ALG1L2: variants seen among roughly 807,000 people sequenced by gnomAD.
ALG1L2 encodes putative glycosyltransferase ALG1L2.
Under a neutral mutation model 29.0 loss-of-function variants are expected in ALG1L2, and 32 were observed. The ratio of observed to expected loss-of-function variants is 1.10; its 90% CI spans 0.83 to 1.48. The LOEUF is 1.48. Ranked by LOEUF, ALG1L2 falls within the 40% of genes most tolerant of loss-of-function variation. ALG1L2 has a pLI of 0.00. For missense variants in ALG1L2, 318 were observed against 274.1 expected, an observed-to-expected ratio of 1.16 and a Z score of -1.13; for synonymous variants, 110 against 109.5, an observed-to-expected ratio of 1.00 and a Z score of -0.03.
chr3:130,096,191 G>T (rs771892760), intron 6 of ALG1L2, 28 bp downstream of exon 6: 8 of 1,608,364 alleles, frequency 5.0e-6, no homozygotes, highest in Non-Finnish European at 6.8e-6. Context: ...ATTTTTTCTG[G>T]GGATAGCTTC....
At chr3:130,086,259 A>G (rs1934889111) in intron 1 of ALG1L2, among the ~76,000 whole-genome samples, 1 of 151,144 alleles carries the variant, frequency 6.6e-6, no homozygotes, top group Non-Finnish European at 1.5e-5. Context: ...GAAGCATCAA[A>G]TGGGTTCTGG....
At chr3:130,084,011 T>C (rs1934839527) in intron 1 of ALG1L2, among the ~76,000 whole-genome samples, 1 of 151,576 alleles carries the variant, frequency 6.6e-6, no homozygotes, top group Non-Finnish European at 1.5e-5. Flanking sequence ...GCTTTGTGAA[T>C]CTGTTGTGGA....
At chr3:130,091,004 T>G (rs1935001951) in intron 1 of ALG1L2, 1 of 476,446 alleles carries the variant, frequency 2.1e-6, no homozygotes, top group African/African-American at 2.0e-5. Flanking sequence ...CACAGTCTGG[T>G]TTTATCTTAG....
At chr3:130,093,365 T>C (rs1204129903) in intron 4 of ALG1L2, among the ~76,000 whole-genome samples, 1 of 151,722 alleles carries the variant, frequency 6.6e-6, no homozygotes, top group African/African-American at 2.4e-5. Context: ...TTTGAATCTG[T>C]AGATACCAAG....
intron 1 of ALG1L2, among the ~76,000 whole-genome samples, chr3:130,088,710 T>C (rs112768958): frequency 4.7e-5 from 7 of 149,416 alleles, no homozygotes; most frequent in African/African-American, 1.5e-4. Flanking sequence ...GAGTCACTGT[T>C]CCCTGCCTGA....
At chr3:130,084,299 C>CCCACA (rs376123466) in intron 1 of ALG1L2, among the ~76,000 whole-genome samples, 95 of 145,720 alleles carry the variant, frequency 6.5e-4, no homozygotes, top group African/African-American at 2.0e-3. Context: ...TTCCCCCCCT[C>CCCACA]AAAAAAAATT....
chr3:130,087,970 A>T (rs1934927160), intron 1 of ALG1L2, among the ~76,000 whole-genome samples: 1 of 152,308 alleles, frequency 6.6e-6, no homozygotes, highest in Non-Finnish European at 1.5e-5. Flanking sequence ...AATAATAAGC[A>T]GCCAGCTTAG....
rs781684211 is a variant in ALG1L2 at position 130,093,134 on chromosome 3, T to G, written c.287T>G (p.Leu96Arg). The G allele has an allele frequency of 1.9e-6, 3 of 1,611,280 alleles. No homozygotes were observed. Among genetic ancestry groups the G allele is most frequent in the Non-Finnish European group, 1.7e-6 (2 of 1,179,500 alleles). Residue 96 changes from leucine to arginine, a missense_variant, in exon 4 of 8, where the codon CTT becomes CGT. Coordinates refer to ENST00000425059, the MANE Select transcript of ALG1L2 (RefSeq NM_001136152.1). Reference sequence around the variant, plus strand: ...CAACTGACTCTTGACGGACAGAACCTTCCTTCTCTCGTCTGTGTGATAACA... The same window carrying G: ...CAACTGACTCTTGACGGACAGAACCGTCCTTCTCTCGTCTGTGTGATAACA... The part of the protein sequence containing the change: ...FEQLTLDGQN[L>R]PSLVCVITGK...
Position 130,092,223 on chromosome 3 carries a change from G to T in ALG1L2, c.253+1G>T, listed in dbSNP as rs775737063. 3 of 1,609,816 alleles carry T rather than the reference G, an allele frequency of 1.9e-6. No individual in the cohort carries two copies. In the East Asian group the frequency reaches 6.7e-5, roughly 36 times the overall value. On this transcript the variant is annotated splice_donor_variant, in intron 3 of 7. Coordinates refer to ENST00000425059, the MANE Select transcript of ALG1L2 (RefSeq NM_001136152.1). LOFTEE classifies it high-confidence loss of function. ...CTGGTCAGCAGCACAAGCTGGACAG[G>T]TCTGCATGACCACTGGGGCACTTGG...
At chr3:130,094,346 G>C in intron 4 of ALG1L2, 57 bp from the exon 5 acceptor site, 1 of 1,564,902 alleles carries the variant, frequency 6.4e-7, no homozygotes, top group Admixed American at 1.7e-5. Flanking sequence ...TTGGGCCTGG[G>C]GCTATGTGGC....
At chr3:130,091,743 G>A (rs1935018631) in intron 2 of ALG1L2, 1 of 585,268 alleles carries the variant, frequency 1.7e-6, no homozygotes. Context: ...GTCTCATGGG[G>A]CTAAGGAAGG....
intron 2 of ALG1L2, 111 bp from the exon 3 acceptor site, chr3:130,091,990 C>T (rs780597072): frequency 4.1e-5 from 63 of 1,540,406 alleles, no homozygotes; most frequent in East Asian, 7.2e-5. Context: ...CTGATGCAGC[C>T]GGGCACCCCA....
At chr3:130,096,645 C>T (rs145815009) in intron 6 of ALG1L2, among the ~76,000 whole-genome samples, 11,124 of 152,068 alleles carry the variant, frequency 0.073, 540 homozygotes, top group East Asian at 0.17. Context: ...CCAGCATAGA[C>T]GGGTGTTTGG....
chr3:130,091,285 G>A lies in ALG1L2; in HGVS notation c.45G>A (p.Pro15=), dbSNP rs6804080. ...GGGCTGTGACCGTCTACGACAAGCC[G>A]GCATCTTTCTTTAAAGAGGCACCTC... ...AGWAVTVYDK[P]ASFFKEAPLD... The change falls in exon 2 of 8, where the codon CCG becomes CCA. Residue 15 remains proline (P), a synonymous_variant. Transcript: ENST00000425059. The A allele has an allele frequency of 0.27, 427,073 of 1,597,184 alleles. 60,133 individuals are homozygous for A. Among genetic ancestry groups the A allele is most frequent in the Middle Eastern group, 0.3 (1,349 of 4,424 alleles).
At position 130,091,394 on chromosome 3, in the gene ALG1L2, C is replaced by T. The variant is rs1296548622; in HGVS notation, c.131+23C>T. The T allele has an allele frequency of 3.8e-6, 6 of 1,589,502 alleles. 1 individual carries two copies. The highest frequency in any genetic ancestry group is 2.7e-5 in the African/African-American group (2 of 74,688). On this transcript the variant is annotated intron_variant, in intron 2 of 7. Coordinates refer to ENST00000425059, the MANE Select transcript of ALG1L2 (RefSeq NM_001136152.1). ...CCGGTAGGCCTCCCACCCTCAGCTGCCTTCTCTCCTGCTCGCCACTGCCCT... is the reference window on the plus strand; with the variant it reads ...CCGGTAGGCCTCCCACCCTCAGCTGTCTTCTCTCCTGCTCGCCACTGCCCT...
At chr3:130,097,884 T>C (rs1935176528) in intron 7 of ALG1L2, among the ~76,000 whole-genome samples, 1 of 152,170 alleles carries the variant, frequency 6.6e-6, no homozygotes. Flanking sequence ...ATTCAGACAG[T>C]TTAGCAAGGC....
chr3:130,085,198 G>A (rs1934865060), intron 1 of ALG1L2, among the ~76,000 whole-genome samples: 1 of 138,900 alleles, frequency 7.2e-6, no homozygotes, highest in South Asian at 2.3e-4. Flanking sequence ...GACCTCAAGT[G>A]ATCCACTCGC....
At chr3:130,097,396 G>C (rs962838984) in intron 7 of ALG1L2, 146 bp downstream of exon 7, 19 of 1,343,520 alleles carry the variant, frequency 1.4e-5, no homozygotes, top group African/African-American at 1.0e-4. Context: ...AGTCACAGAG[G>C]CTGGCCTACT....
In ALG1L2 at chr3:130,092,057, G is replaced by A. The variant is rs766520246; in HGVS notation, c.132-44G>A. ...AGGAGATGCCCGTTCTGGGTCCTGG[G>A]CCTGCTCTGTGGCCTCTCACAGGGT... is the stretch of plus-strand genomic sequence containing the variant. On this transcript the variant is annotated intron_variant, in intron 2 of 7. Transcript: ENST00000425059. 6 of 1,606,810 alleles carry A rather than the reference G, an allele frequency of 3.7e-6. No homozygotes were observed. In the South Asian group the frequency reaches 5.5e-5, roughly 15 times the overall value.
Sources: allele counts gnomAD v4.1 joint callset (sites outside exome capture counted in the v4.1 genomes callset), GRCh38; gene constraint gnomAD v4.1.1; transcripts MANE v1.5; gene names NCBI Gene and HGNC (gene_info 2026-07-23, HGNC 2026-07-21).